NCAM2: variants seen among roughly 807,000 people sequenced by gnomAD.
NCAM2 encodes the protein neural cell adhesion molecule 2.
In NCAM2, 30 loss-of-function variants were observed where a neutral mutation model predicts 98.1. The ratio of observed to expected loss-of-function variants is 0.31; its 90% CI spans 0.23 to 0.41. The LOEUF is 0.41. Ranked by LOEUF, NCAM2 falls within the 10% of genes least tolerant of loss-of-function variation. NCAM2 has a pLI of 1.00. For synonymous variants in NCAM2, 368 were observed against 342.4 expected (o/e 1.07, Z -0.83); for missense variants, 867 against 1,005.8 (o/e 0.86, Z 1.87).
chr21:21,110,260 C>T (rs939717156), intron 1 of NCAM2, among the ~76,000 whole-genome samples: 7 of 152,156 alleles, frequency 4.6e-5, no homozygotes, highest in East Asian at 1.9e-4. Context: ...TGGCCCAGGC[C>T]GTTGCTAGAT....
intron 5 of NCAM2, among the ~76,000 whole-genome samples, chr21:21,294,576 C>T (rs1232745840): frequency 6.6e-6 from 1 of 151,780 alleles, no homozygotes; most frequent in African/African-American, 2.4e-5. Flanking sequence ...GGATCACAAA[C>T]TCGCGTAGCT....
intron 1 of NCAM2, among the ~76,000 whole-genome samples, chr21:21,244,477 T>A (rs916015603): frequency 1.3e-5 from 2 of 152,146 alleles, no homozygotes; most frequent in African/African-American, 4.8e-5. Context: ...CACCCAAAAA[T>A]TACCTTAAAT....
At chr21:21,127,084 T>C (rs2066842302) in intron 1 of NCAM2, among the ~76,000 whole-genome samples, 1 of 152,020 alleles carries the variant, frequency 6.6e-6, no homozygotes, top group South Asian at 2.1e-4. Context: ...GAATCTGTCA[T>C]AATGTAACTA....
At chr21:21,370,409 A>T (rs1309616466) in intron 8 of NCAM2, among the ~76,000 whole-genome samples, 1 of 151,942 alleles carries the variant, frequency 6.6e-6, no homozygotes, top group African/African-American at 2.4e-5. Flanking sequence ...ATGCCATCAA[A>T]TGTTTCAAAC....
At chr21:21,390,250 C>T (rs1478643803) in intron 9 of NCAM2, among the ~76,000 whole-genome samples, 3 of 151,978 alleles carry the variant, frequency 2.0e-5, no homozygotes, top group Admixed American at 2.0e-4. Flanking sequence ...TATTCTGTTT[C>T]TTTTTCAGTA....
At chr21:21,410,188 G>A (rs2076827592) in intron 9 of NCAM2, 86 bp from the exon 10 acceptor site, 2 of 737,968 alleles carry the variant, frequency 2.7e-6, no homozygotes, top group Non-Finnish European at 3.9e-6. Flanking sequence ...TTTTTATACA[G>A]TAGAAATAAC....
chr21:21,347,914 C>T (rs1181191416), intron 8 of NCAM2, among the ~76,000 whole-genome samples: 1 of 151,904 alleles, frequency 6.6e-6, no homozygotes, highest in Non-Finnish European at 1.5e-5. Flanking sequence ...ATTTAACATC[C>T]ATTCATGATA....
In NCAM2 at chr21:21,495,594, G is replaced by A. The variant is rs941052865; in HGVS notation, c.2078-13257G>A. 2.0e-5 allele frequency among the ~76,000 whole-genome samples: 3 copies of A among 151,868 alleles called. 1 individual carries two copies. In the South Asian group the frequency reaches 6.2e-4, roughly 31 times the overall value. On this transcript the variant is annotated intron_variant, in intron 15 of 17. Transcript: ENST00000400546. ...TTTGATTTGGTTGATCTATTTATTT[G>A]TTACTGAATTCACTTGCAAGCTCCA...
chr21:21,353,501 C>T (rs2075394623), intron 8 of NCAM2, among the ~76,000 whole-genome samples: 1 of 152,140 alleles, frequency 6.6e-6, no homozygotes, highest in South Asian at 2.1e-4. Flanking sequence ...TGCCTTCAAT[C>T]GCCATCCATA....
At chr21:21,167,309 A>G (rs2067983720) in intron 1 of NCAM2, among the ~76,000 whole-genome samples, 1 of 152,152 alleles carries the variant, frequency 6.6e-6, no homozygotes, top group Admixed American at 6.5e-5. Flanking sequence ...TTGAAGAAAA[A>G]AAGGATAATC....
intron 1 of NCAM2, among the ~76,000 whole-genome samples, chr21:21,222,372 G>C (rs1272432880): frequency 6.6e-6 from 1 of 152,110 alleles, no homozygotes; most frequent in African/African-American, 2.4e-5. Flanking sequence ...TGATTCCTCT[G>C]ATGGATCTGG....
intron 1 of NCAM2, among the ~76,000 whole-genome samples, chr21:21,081,775 A>T (rs953177519): frequency 1.3e-5 from 2 of 151,288 alleles, no homozygotes; most frequent in Admixed American, 6.6e-5. Context: ...CACTCCAGCC[A>T]GGGTGGCAGA....
intron 16 of NCAM2, among the ~76,000 whole-genome samples, chr21:21,531,176 A>G (rs1261793706): frequency 6.6e-6 from 1 of 151,960 alleles, no homozygotes; most frequent in Non-Finnish European, 1.5e-5. Flanking sequence ...CCCTATAATC[A>G]TTTGATTTTG....
At chr21:21,407,679 T>C (rs1324443367) in intron 9 of NCAM2, among the ~76,000 whole-genome samples, 5 of 152,182 alleles carry the variant, frequency 3.3e-5, no homozygotes, top group Non-Finnish European at 7.3e-5. Flanking sequence ...ATAAGTTATA[T>C]TTTACATACC....
chr21:21,113,089 A>G (rs115206145), intron 1 of NCAM2, among the ~76,000 whole-genome samples: 2 of 151,484 alleles, frequency 1.3e-5, no homozygotes, highest in African/African-American at 4.9e-5. Context: ...GTGGTTCTCA[A>G]AGTGACAATA....
At chr21:21,377,792 T>C (rs975965364) in intron 9 of NCAM2, among the ~76,000 whole-genome samples, 10 of 151,946 alleles carry the variant, frequency 6.6e-5, no homozygotes, top group African/African-American at 2.4e-4. Flanking sequence ...TTCTCCTGTC[T>C]ATCTGCCTGT....
chr21:21,462,069 T>A (rs533408794), intron 12 of NCAM2, among the ~76,000 whole-genome samples: 1 of 152,226 alleles, frequency 6.6e-6, no homozygotes, highest in Non-Finnish European at 1.5e-5. Context: ...AAAGCTTTTT[T>A]AAGTGAGAAA....
chr21:21,462,931 T>A (rs998121376), intron 12 of NCAM2, among the ~76,000 whole-genome samples: 3 of 152,128 alleles, frequency 2.0e-5, no homozygotes, highest in African/African-American at 7.2e-5. Context: ...TACTAGTTTG[T>A]AATCTAGATC....
At chr21:21,252,065 G>T (rs1265615841) in intron 1 of NCAM2, among the ~76,000 whole-genome samples, 2 of 151,936 alleles carry the variant, frequency 1.3e-5, no homozygotes, top group Non-Finnish European at 2.9e-5. Flanking sequence ...CTTTTCAAAA[G>T]AAGACATTAT....
Sources: gnomAD v4.1 joint callset for allele counts (sites outside exome capture counted in the v4.1 genomes callset) on GRCh38, gnomAD v4.1.1 for gene constraint, MANE v1.5 for transcripts, NCBI Gene and HGNC (gene_info 2026-07-23, HGNC 2026-07-21) for gene names.